The following UGT1A10 variants were observed in gnomAD, a reference collection of about 807,000 sequenced individuals.
UGT1A10 encodes the protein UDP glucuronosyltransferase family 1 member A10.
In UGT1A10, 49 loss-of-function variants were observed where a neutral mutation model predicts 45.8. That is an observed-to-expected ratio of 1.07 (90% CI 0.85 to 1.36). The LOEUF is 1.36. UGT1A10 is among the 40% of genes most tolerant of loss of function. The pLI, the probability that UGT1A10 is intolerant of heterozygous loss-of-function variation, is 0.00. For synonymous variants in UGT1A10, 284 were observed against 249.7 expected (o/e 1.14, Z -1.29); for missense variants, 745 against 668.6 (o/e 1.11, Z -1.26).
chr2:233,640,228 T>C (rs1269449445), intron 1 of UGT1A10, among the ~76,000 whole-genome samples: 1 of 152,206 alleles, frequency 6.6e-6, no homozygotes, highest in Non-Finnish European at 1.5e-5. Flanking sequence ...GAAAAGACTA[T>C]AGTGTAATGT....
chr2:233,709,328 A>G (rs1356489247), intron 1 of UGT1A10, among the ~76,000 whole-genome samples: 1 of 152,084 alleles, frequency 6.6e-6, no homozygotes, highest in Non-Finnish European at 1.5e-5. Context: ...TTTTGTTACT[A>G]GTTTGTCATA....
chr2:233,693,323 G>A, intron 1 of UGT1A10: 2 of 1,614,140 alleles, frequency 1.2e-6, no homozygotes, highest in Non-Finnish European at 8.5e-7. Context: ...ATTCCTAACT[G>A]CTCCTCAGAC....
chr2:233,654,556 T>G (rs114807252), intron 1 of UGT1A10, among the ~76,000 whole-genome samples: 8 of 152,342 alleles, frequency 5.3e-5, no homozygotes, highest in African/African-American at 1.9e-4. Context: ...CATAATTGTT[T>G]GTAATATATA....
At chr2:233,768,775 G>A (rs577472067) in intron 4 of UGT1A10, among the ~76,000 whole-genome samples, 18 of 151,802 alleles carry the variant, frequency 1.2e-4, no homozygotes, top group Admixed American at 9.2e-4. Flanking sequence ...GTAGAGAAAG[G>A]GTTTCACCAT....
chr2:233,661,373 A>G (rs1434066112), intron 1 of UGT1A10, among the ~76,000 whole-genome samples: 1 of 152,126 alleles, frequency 6.6e-6, no homozygotes, highest in Admixed American at 6.6e-5. Context: ...CTTAGGATAT[A>G]TGATAGTTTT....
chr2:233,692,638 A>T (rs1027065840), intron 1 of UGT1A10, among the ~76,000 whole-genome samples: 1 of 152,230 alleles, frequency 6.6e-6, no homozygotes, highest in East Asian at 1.9e-4. Context: ...GACAACGTCA[A>T]TGATGAGGAA....
In UGT1A10 at chr2:233,772,749, G is replaced by T. The variant is rs901299936; in HGVS notation, c.*190G>T. The T allele has an allele frequency of 1.4e-6, 2 of 1,420,114 alleles. No individual in the cohort carries two copies. The highest frequency in any genetic ancestry group is 1.8e-6 in the Non-Finnish European group (2 of 1,083,638). The allele number at this position is 1,420,114 out of a possible 1,614,324, so 88.0% of individuals were successfully genotyped here. A position where few individuals can be genotyped will look rare whatever the true frequency, so the allele number is the denominator to read the frequency against. On this transcript the variant is annotated 3_prime_UTR_variant, in exon 5 of 5. Coordinates refer to ENST00000344644, the MANE Select transcript of UGT1A10 (RefSeq NM_019075.4). ...GACTCGCTAGTCAGTAAAGATATTTGAATATGTATCGTGCCCCCTCTGGTG... is the reference window on the plus strand; with the variant it reads ...GACTCGCTAGTCAGTAAAGATATTTTAATATGTATCGTGCCCCCTCTGGTG...
intron 4 of UGT1A10, chr2:233,770,700 A>G (rs1353912546): frequency 1.3e-5 from 2 of 152,056 alleles, no homozygotes; most frequent in African/African-American, 4.8e-5. Flanking sequence ...AATTCATCTT[A>G]AGGTTTATGT....
chr2:233,656,610 T>C (rs2073859276), intron 1 of UGT1A10, among the ~76,000 whole-genome samples: 1 of 152,234 alleles, frequency 6.6e-6, no homozygotes, highest in Non-Finnish European at 1.5e-5. Flanking sequence ...TGTAGTTTTG[T>C]ATCTGATTGC....
At chr2:233,681,518 G>A (rs2074526390) in intron 1 of UGT1A10, among the ~76,000 whole-genome samples, 1 of 123,672 alleles carries the variant, frequency 8.1e-6, no homozygotes, top group African/African-American at 3.2e-5. Context: ...ATGACACAGT[G>A]AGACTCCATC....
At chr2:233,704,993 G>A (rs973779449) in intron 1 of UGT1A10, among the ~76,000 whole-genome samples, 41 of 152,048 alleles carry the variant, frequency 2.7e-4, no homozygotes, top group Admixed American at 5.2e-4. Flanking sequence ...GAAATTAGCC[G>A]GGTATGGTGG....
chr2:233,735,687 T>A (rs1251778606), intron 1 of UGT1A10, among the ~76,000 whole-genome samples: 1 of 152,148 alleles, frequency 6.6e-6, no homozygotes, highest in Non-Finnish European at 1.5e-5. Context: ...CTTTAGGAGC[T>A]CTTGTAAGGC....
rs540228891 is a variant in UGT1A10, at chr2:233,644,360, G to A, written c.855+6983G>A. Among the ~76,000 whole-genome samples the A allele has an allele frequency of 5.9e-5, 9 of 152,282 alleles. 1 individual carries two copies. The South Asian group carries it at 1.9e-3, about 32-fold the overall frequency. ...AGGTGGGTGGATCACTTGAGGCCAG[G>A]AGTTTGAGACCAGCCTGGCCAACAT... On this transcript the variant is annotated intron_variant, in intron 1 of 4. Transcript: ENST00000344644.
At chr2:233,695,426 CTT>C (rs2075288031) in intron 1 of UGT1A10, among the ~76,000 whole-genome samples, 2 of 76,626 alleles carry the variant, frequency 2.6e-5, no homozygotes, top group Non-Finnish European at 6.3e-5. Context: ...GCCCGGCCTT[CTT>C]CTTCTTCTTT....
intron 1 of UGT1A10, among the ~76,000 whole-genome samples, chr2:233,661,379 G>A (rs1386195984): frequency 6.6e-6 from 1 of 151,934 alleles, no homozygotes; most frequent in African/African-American, 2.4e-5. Context: ...ATATATGATA[G>A]TTTTCACTTG....
intron 1 of UGT1A10, chr2:233,718,803 T>G: frequency 6.2e-7 from 1 of 1,613,256 alleles, no homozygotes; most frequent in Non-Finnish European, 8.5e-7. Flanking sequence ...CAGTCAGCTG[T>G]CGGTGGCTTC....
In UGT1A10 at chr2:233,729,602, C is replaced by T. The variant is rs746977069; in HGVS notation, c.856-37432C>T. 10 of 1,613,864 alleles carry T rather than the reference C, an allele frequency of 6.2e-6. No homozygotes were observed. Among genetic ancestry groups the T allele is most frequent in the African/African-American group, 5.3e-5 (4 of 74,870 alleles). On this transcript the variant is annotated intron_variant, in intron 1 of 4. Coordinates refer to ENST00000344644, the MANE Select transcript of UGT1A10 (RefSeq NM_019075.4). ...ACAGACCCCGTTAACCTCTGCGCGG[C>T]AGTGCTGGCTAAGTACCTGTCGATT...
At position 233,697,329 on chromosome 2, in the gene UGT1A10, T is replaced by A. The variant is rs545927444; in HGVS notation, c.855+59952T>A. Among the ~76,000 whole-genome samples the A allele has an allele frequency of 3.3e-5, 5 of 152,252 alleles. No homozygotes were observed. The East Asian group carries it at 9.6e-4, about 29-fold the overall frequency. The stretch of plus-strand genomic sequence containing the variant: ...GGTAGATTGTTTGTGTTTGGAAATG[T>A]ATCCATTTCCTCTAGGTTTTCTAAT... On this transcript the variant is annotated intron_variant, in intron 1 of 4. Transcript: ENST00000344644.
intron 1 of UGT1A10, chr2:233,671,759 G>A (rs762141495): frequency 1.2e-5 from 16 of 1,331,294 alleles, no homozygotes; most frequent in Non-Finnish European, 1.5e-5. Context: ...CTCAGCAAAA[G>A]CTACTCATAT....
Sources: allele counts gnomAD v4.1 joint callset (sites outside exome capture counted in the v4.1 genomes callset), GRCh38; gene constraint gnomAD v4.1.1; transcripts MANE v1.5; gene names NCBI Gene and HGNC (gene_info 2026-07-23, HGNC 2026-07-21).